The following WHRN variants were observed in gnomAD, a reference collection of about 807,000 sequenced individuals.
WHRN encodes CASK-interacting protein CIP98.
WHRN carries 41 observed loss-of-function variants against 68.3 expected under a neutral mutation model. The ratio of observed to expected loss-of-function variants is 0.60; its 90% confidence interval spans 0.47 to 0.78. The LOEUF is 0.78. Among genes scored for constraint, WHRN ranks in the 30% least tolerant of loss-of-function variants. WHRN has a pLI of 0.00. For missense variants in WHRN, 1,243 were observed against 1,244.7 expected (o/e 1.00, Z 0.02); for synonymous variants, 560 against 561.3 (o/e 1.00, Z 0.03).
chr9:114,403,141 G>A (rs969571563), intron 11 of WHRN, 76 bp downstream of exon 11: 20 of 1,603,612 alleles, frequency 1.2e-5, no homozygotes, highest in African/African-American at 6.7e-5. Flanking sequence ...CATGGGAGTC[G>A]CAAAACCCTG....
intron 7 of WHRN, among the ~76,000 whole-genome samples, chr9:114,417,388 C>T (rs574517003): frequency 4.2e-4 from 64 of 152,338 alleles, no homozygotes; most frequent in African/African-American, 1.4e-3. Context: ...GAACAAAGAA[C>T]ATTTTCCTAC....
chr9:114,493,373 TGGGGGTGG>T (rs1564230016), intron 1 of WHRN, among the ~76,000 whole-genome samples: 2 of 13,058 alleles, frequency 1.5e-4, no homozygotes, highest in Non-Finnish European at 2.8e-4. Context: ...AAAAAAAAAG[TGGGGGTGG>T]GGGGGTGGGG....
At chr9:114,475,877 C>T (rs1373825063) in intron 2 of WHRN, among the ~76,000 whole-genome samples, 2 of 152,154 alleles carry the variant, frequency 1.3e-5, no homozygotes, top group Non-Finnish European at 2.9e-5. Flanking sequence ...GAATCTGGGA[C>T]GGCCTGTCTC....
At chr9:114,486,035 G>C (rs1842448630) in intron 1 of WHRN, among the ~76,000 whole-genome samples, 1 of 152,016 alleles carries the variant, frequency 6.6e-6, no homozygotes, top group Non-Finnish European at 1.5e-5. Flanking sequence ...AAAATTAAAA[G>C]CAACTGTTGA....
rs1002941705 is a variant in WHRN at position 114,490,076 on chromosome 9, C to T, written c.619-11305G>A. On this transcript the variant is annotated intron_variant, in intron 1 of 11. Coordinates refer to ENST00000362057, the MANE Select transcript of WHRN (RefSeq NM_015404.4). ...CTGTGTGCTCATCAGGGAGCCAGGA[C>T]CCGCGACACAGCCATGCCACGACAC... Among the ~76,000 whole-genome samples, 7 of 152,326 alleles carry T rather than the reference C, an allele frequency of 4.6e-5. No homozygotes were observed. The East Asian group carries it at 1.3e-3, about 29-fold the overall frequency.
At chr9:114,462,654 C>A (rs1840341438) in intron 3 of WHRN, among the ~76,000 whole-genome samples, 1 of 152,154 alleles carries the variant, frequency 6.6e-6, no homozygotes, top group Admixed American at 6.5e-5. Flanking sequence ...AGGCGCTATA[C>A]CATAGTAGTT....
intron 3 of WHRN, among the ~76,000 whole-genome samples, chr9:114,461,856 G>GTGTAA (rs1840273066): frequency 6.6e-6 from 1 of 152,180 alleles, no homozygotes; most frequent in South Asian, 2.1e-4. Context: ...ATACACAGTT[G>GTGTAA]TGTAATTTGT....
chr9:114,430,766 C>T (rs1362030561), intron 3 of WHRN, among the ~76,000 whole-genome samples: 1 of 152,244 alleles, frequency 6.6e-6, no homozygotes, highest in Admixed American at 6.5e-5. Flanking sequence ...GGGAGTCACA[C>T]TTGGGAAACC....
In WHRN at chr9:114,423,415, G is replaced by A; in HGVS notation, c.1525C>T (p.Pro509Ser). Residue 509 changes from proline (P) to serine (S), a missense_variant, in exon 7 of 12, where the codon CCA (proline) becomes TCA (serine). Physicochemically the swap from Pro to Ser is moderately conservative, Grantham distance 74 (BLOSUM62 -1). Coordinates refer to ENST00000362057, the MANE Select transcript of WHRN (RefSeq NM_015404.4). ...TAGGTGTCCCCAGCCCCGGGGCCTG[G>A]GGGCTGCCGCGCCTTCATGGACTCA... ...EIESMKARQP[P>S]GPGAGDTYSM... The A allele has an allele frequency of 6.2e-7, 1 of 1,614,068 alleles. No homozygotes were observed. Among genetic ancestry groups the A allele is most frequent in the Non-Finnish European group, 8.5e-7 (1 of 1,180,002 alleles).
At chr9:114,498,864 G>A (rs1843683716) in intron 1 of WHRN, among the ~76,000 whole-genome samples, 1 of 151,990 alleles carries the variant, frequency 6.6e-6, no homozygotes, top group Admixed American at 6.6e-5. Context: ...GCCTCCCCTG[G>A]GGAAGGTTAA....
rs981191474 is a variant in WHRN, at chr9:114,495,117, G to A, written c.618+9067C>T. ...TATGTTGCTTGCTTGGCCAAGAGTG[G>A]ACACAACTTGGGGAACAGGACTGCT... On this transcript the variant is annotated intron_variant, in intron 1 of 11. Coordinates refer to ENST00000362057, the MANE Select transcript of WHRN (RefSeq NM_015404.4). 2.6e-5 allele frequency among the ~76,000 whole-genome samples: 4 copies of A among 152,226 alleles called. No individual in the cohort carries two copies. The East Asian group carries it at 7.7e-4, about 29-fold the overall frequency.
At chr9:114,499,704 G>A (rs1351496213) in intron 1 of WHRN, among the ~76,000 whole-genome samples, 5 of 152,254 alleles carry the variant, frequency 3.3e-5, no homozygotes, top group East Asian at 1.9e-4. Flanking sequence ...GCACTGACAG[G>A]TGCAGGCAGG....
At chr9:114,450,682 C>T (rs1839243246) in intron 3 of WHRN, among the ~76,000 whole-genome samples, 1 of 152,168 alleles carries the variant, frequency 6.6e-6, no homozygotes, top group Admixed American at 6.5e-5. Context: ...ATTACCCCAG[C>T]TTTACAAATG....
In WHRN at chr9:114,406,388, C is replaced by A; in HGVS notation, c.2203G>T (p.Val735Phe). Residue 735 changes from valine to phenylalanine, a missense_variant, in exon 9 of 12, where the codon GTC (valine) becomes TTC (phenylalanine). Coordinates refer to ENST00000362057, the MANE Select transcript of WHRN (RefSeq NM_015404.4). Reference protein sequence around the residue: ...EVHRPDSEPDVNEVRALPQTR... With the variant: ...EVHRPDSEPDFNEVRALPQTR... Reference sequence around the variant, plus strand: ...TGGGGCAGCGCCCTCACTTCATTGACGTCTGGCTCGCTGTCGGGGCGGTGG... The same window carrying A: ...TGGGGCAGCGCCCTCACTTCATTGAAGTCTGGCTCGCTGTCGGGGCGGTGG... The A allele has an allele frequency of 6.2e-7, 1 of 1,614,190 alleles. No homozygotes were observed. Among genetic ancestry groups the A allele is most frequent in the East Asian group, 2.2e-5 (1 of 44,882 alleles).
At position 114,426,273 on chromosome 9, in the gene WHRN, A is replaced by T. The variant is rs1836850137; in HGVS notation, c.1104T>A (p.Thr368=). 1 of 1,613,130 alleles carries T rather than the reference A, an allele frequency of 6.2e-7. No homozygotes were observed. Among genetic ancestry groups the T allele is most frequent in the Non-Finnish European group, 8.5e-7 (1 of 1,180,040 alleles). ...DVGRLPHART[T]VDETKWIASS... ...TGGCGATCCACTTGGTCTCGTCCAC[A>T]GTGGTGCGGGCATGGGGCAGCCTCC... The change falls in exon 4 of 12, where the codon ACT becomes ACA. Residue 368 remains threonine (T), a synonymous_variant. Coordinates refer to ENST00000362057, the MANE Select transcript of WHRN (RefSeq NM_015404.4).
intron 3 of WHRN, among the ~76,000 whole-genome samples, chr9:114,431,244 A>G (rs879110990): frequency 2.0e-5 from 3 of 152,154 alleles, no homozygotes; most frequent in Admixed American, 1.3e-4. Flanking sequence ...TTTGTCATCT[A>G]TAAGATGGGC....
chr9:114,502,143 A>C (rs1843987136), intron 1 of WHRN, among the ~76,000 whole-genome samples: 1 of 152,174 alleles, frequency 6.6e-6, no homozygotes, highest in Non-Finnish European at 1.5e-5. Flanking sequence ...GAAGGGTCCA[A>C]AGGGTCCATG....
intron 7 of WHRN, among the ~76,000 whole-genome samples, chr9:114,415,151 T>C (rs1480992755): frequency 6.6e-6 from 1 of 151,746 alleles, no homozygotes; most frequent in Non-Finnish European, 1.5e-5. Context: ...ATGTAAAAAT[T>C]AGCTGTGCAT....
intron 7 of WHRN, among the ~76,000 whole-genome samples, chr9:114,411,380 A>G (rs1407339650): frequency 6.6e-6 from 1 of 152,192 alleles, no homozygotes; most frequent in African/African-American, 2.4e-5. Flanking sequence ...AGAGGTATCT[A>G]CAGCAAAGAC....
Sources: gnomAD v4.1 joint callset for allele counts (sites outside exome capture counted in the v4.1 genomes callset) on GRCh38, gnomAD v4.1.1 for gene constraint, MANE v1.5 for transcripts, NCBI Gene and HGNC (gene_info 2026-07-23, HGNC 2026-07-21) for gene names.